LHX8: variants seen among roughly 807,000 people sequenced by gnomAD.
The protein encoded by LHX8 is LIM/homeobox protein Lhx8.
Under a neutral mutation model 40.3 loss-of-function variants are expected in LHX8, and 12 were observed. The observed-to-expected ratio is 0.30, with a 90% CI of 0.19 to 0.48. LHX8 has a LOEUF of 0.48. LHX8 is among the 20% of genes least tolerant of loss of function. The pLI is 0.99. For missense variants in LHX8, 344 were observed against 433.7 expected (o/e 0.79, Z 1.84); for synonymous variants, 179 against 162.0 (o/e 1.10, Z -0.80).
In LHX8 at chr1:75,137,091, T is replaced by A. The variant is rs1391434545; in HGVS notation, c.76-9T>A. The A allele has an allele frequency of 6.3e-7, 1 of 1,598,004 alleles. No individual in the cohort carries two copies. Among genetic ancestry groups the A allele is most frequent in the Non-Finnish European group, 8.5e-7 (1 of 1,169,870 alleles). On this transcript the variant is annotated splice_polypyrimidine_tract_variant and intron_variant, in intron 2 of 8. Transcript: ENST00000356261. Reference sequence around the variant, plus strand: ...TCTAGAACCGCCTGCGCCTCGCGGTTTCCTGCAGGTGAGCCCCGAGGGAGC... The same window carrying A: ...TCTAGAACCGCCTGCGCCTCGCGGTATCCTGCAGGTGAGCCCCGAGGGAGC...
the LHX8 span, among the ~76,000 whole-genome samples, chr1:75,199,317 G>A: frequency 6.6e-6 from 1 of 152,156 alleles, no homozygotes; most frequent in Non-Finnish European, 1.5e-5. Flanking sequence ...TTTCTGTGCA[G>A]ACACACATGC....
Position 75,160,850 on chromosome 1 carries a change from C to G in LHX8, c.996C>G (p.Pro332=), listed in dbSNP as rs1216205757. The G allele has an allele frequency of 9.3e-6, 15 of 1,613,278 alleles. No homozygotes were observed. Among genetic ancestry groups the G allele is most frequent in the Non-Finnish European group, 1.3e-5 (15 of 1,179,302 alleles). ...CACCAACAACTCTTGGACTCCAGCCCTTGTTACCCCATTCAATGACACAAC... is the reference window on the plus strand; with the variant it reads ...CACCAACAACTCTTGGACTCCAGCCGTTGTTACCCCATTCAATGACACAAC... ...AHSPTTLGLQ[P]LLPHSMTQLP... The change falls in exon 9 of 9, where the codon CCC becomes CCG. Residue 332 remains proline, a synonymous_variant. Transcript: ENST00000356261.
chr1:75,136,099 T>C (rs953277149), intron 1 of LHX8, among the ~76,000 whole-genome samples: 2 of 152,218 alleles, frequency 1.3e-5, no homozygotes, highest in African/African-American at 4.8e-5. Context: ...AAAAGCCCCC[T>C]TTTTAAAATA....
At chr1:75,169,681 T>C in the LHX8 span, among the ~76,000 whole-genome samples, 1 of 152,210 alleles carries the variant, frequency 6.6e-6, no homozygotes, top group Non-Finnish European at 1.5e-5. Context: ...GCCATCCCAA[T>C]GAACTGTTGA....
the LHX8 span, among the ~76,000 whole-genome samples, chr1:75,194,664 C>G: frequency 6.6e-6 from 1 of 152,092 alleles, no homozygotes; most frequent in Admixed American, 6.5e-5. Context: ...CTTAAGCTTC[C>G]CATTTACTCA....
intron 6 of LHX8, among the ~76,000 whole-genome samples, chr1:75,146,114 A>C (rs528517267): frequency 6.6e-6 from 1 of 152,176 alleles, no homozygotes; most frequent in Non-Finnish European, 1.5e-5. Context: ...CAGACACTCT[A>C]ATAAATCGGT....
At chr1:75,144,639 T>G (rs1477155123) in intron 6 of LHX8, among the ~76,000 whole-genome samples, 2 of 152,198 alleles carry the variant, frequency 1.3e-5, no homozygotes, top group Non-Finnish European at 2.9e-5. Context: ...ATTAAATTAC[T>G]CTTTGCTTTA....
intron 1 of LHX8, among the ~76,000 whole-genome samples, chr1:75,135,300 C>A (rs1295107765): frequency 1.3e-5 from 2 of 152,264 alleles, no homozygotes; most frequent in African/African-American, 4.8e-5. Context: ...AGTTTGAAAT[C>A]ATCTGCAGCC....
Position 75,160,815 on chromosome 1 carries a change from G to T in LHX8, c.965-4G>T. The T allele has an allele frequency of 6.2e-7, 1 of 1,606,714 alleles. No individual in the cohort carries two copies. Among genetic ancestry groups the T allele is most frequent in the Non-Finnish European group, 8.5e-7 (1 of 1,173,522 alleles). On this transcript the variant is annotated splice_region_variant and splice_polypyrimidine_tract_variant and intron_variant, in intron 8 of 8. Coordinates refer to ENST00000356261, the MANE Select transcript of LHX8 (RefSeq NM_001256114.2). ...TGATCCACAAATTTCTTTCTATTTT[G>T]TAGCTCATTCACCAACAACTCTTGG...
At chr1:75,137,823 A>G (rs544735644) in intron 3 of LHX8, among the ~76,000 whole-genome samples, 6 of 152,300 alleles carry the variant, frequency 3.9e-5, no homozygotes, top group African/African-American at 7.2e-5. Flanking sequence ...ATACAGTCCT[A>G]TGTTTTTTTA....
the LHX8 span, among the ~76,000 whole-genome samples, chr1:75,193,504 G>A: frequency 3.3e-5 from 5 of 152,138 alleles, no homozygotes; most frequent in Admixed American, 6.6e-5. Context: ...CCTATCACAC[G>A]TTGAACAGCA....
the LHX8 span, among the ~76,000 whole-genome samples, chr1:75,177,741 C>G: frequency 1.3e-5 from 2 of 152,150 alleles, no homozygotes; most frequent in African/African-American, 2.4e-5. Flanking sequence ...GAGGGCATCC[C>G]TGTCTTGTGC....
chr1:75,187,152 A>G, the LHX8 span, among the ~76,000 whole-genome samples: 32 of 152,306 alleles, frequency 2.1e-4, 1 homozygote, highest in East Asian at 6.2e-3. Flanking sequence ...ACTTCAGTTG[A>G]CATGAAGGTG....
At chr1:75,140,882 T>C in intron 3 of LHX8, 103 bp from the exon 4 acceptor site, 1 of 1,054,700 alleles carries the variant, frequency 9.5e-7, no homozygotes, top group Non-Finnish European at 1.5e-6. Context: ...TCAGAGCATG[T>C]GTTAATATAT....
the LHX8 span, chr1:75,182,929 T>C: frequency 2.0e-5 from 3 of 152,164 alleles, no homozygotes; most frequent in African/African-American, 7.2e-5. Flanking sequence ...AAATATTAGA[T>C]GAGTGAGGTT....
the LHX8 span, among the ~76,000 whole-genome samples, chr1:75,166,965 G>A: frequency 6.6e-6 from 1 of 152,214 alleles, no homozygotes; most frequent in Non-Finnish European, 1.5e-5. Flanking sequence ...ATAAGGTGTC[G>A]AAGTGGAGCT....
intron 1 of LHX8, among the ~76,000 whole-genome samples, chr1:75,135,724 A>G (rs1210643636): frequency 6.6e-6 from 1 of 151,956 alleles, no homozygotes; most frequent in East Asian, 1.9e-4. Context: ...CACTTGAGTA[A>G]CGCGCGTTGT....
chr1:75,171,113 G>A, the LHX8 span, among the ~76,000 whole-genome samples: 12 of 152,140 alleles, frequency 7.9e-5, no homozygotes, highest in African/African-American at 2.2e-4. Flanking sequence ...CTTAAGGCAC[G>A]CTCAGAGCTT....
chr1:75,174,865 T>C, the LHX8 span, among the ~76,000 whole-genome samples: 1 of 152,154 alleles, frequency 6.6e-6, no homozygotes, highest in Non-Finnish European at 1.5e-5. Flanking sequence ...CAGGTGATGT[T>C]TGGTTGTATG....
Sources: allele counts gnomAD v4.1 joint callset (sites outside exome capture counted in the v4.1 genomes callset), GRCh38; gene constraint gnomAD v4.1.1; transcripts MANE v1.5; gene names NCBI Gene and HGNC (gene_info 2026-07-23, HGNC 2026-07-21).